Variants in AGK observed in about 807,000 individuals in gnomAD.
AGK encodes the protein acylglycerol kinase.
A neutral mutation model predicts 66.4 loss-of-function variants in AGK; 52 were observed. The ratio of observed to expected loss-of-function variants is 0.78; its 90% CI spans 0.63 to 0.99. AGK has a LOEUF of 0.99. Among genes scored for constraint, AGK ranks in the 50% least tolerant of loss-of-function variants. The pLI, the probability that AGK is intolerant of heterozygous loss-of-function variation, is 0.00. For missense variants in AGK, 451 were observed against 506.6 expected, an observed-to-expected ratio of 0.89 and a Z score of 1.05; for synonymous variants, 182 against 181.1, an observed-to-expected ratio of 1.00 and a Z score of -0.04.
At chr7:141,571,979 C>G (rs1795617625) in intron 2 of AGK, among the ~76,000 whole-genome samples, 1 of 152,116 alleles carries the variant, frequency 6.6e-6, no homozygotes, top group Non-Finnish European at 1.5e-5. Context: ...ATGAGTTGGA[C>G]AGTGTTCTAG....
intron 9 of AGK, among the ~76,000 whole-genome samples, chr7:141,631,982 A>C (rs1797066365): frequency 6.6e-6 from 1 of 151,948 alleles, no homozygotes; most frequent in Non-Finnish European, 1.5e-5. Context: ...TAAGCCCAGC[A>C]CTTTGGGAGG....
chr7:141,596,663 T>C, intron 4 of AGK, 22 bp downstream of exon 4: 1 of 1,605,536 alleles, frequency 6.2e-7, no homozygotes, highest in Non-Finnish European at 8.5e-7. Flanking sequence ...TGTGACTTGT[T>C]ATATACTTGC....
intron 13 of AGK, among the ~76,000 whole-genome samples, chr7:141,647,530 G>A (rs1271831059): frequency 6.6e-6 from 1 of 152,128 alleles, no homozygotes; most frequent in East Asian, 1.9e-4. Flanking sequence ...CGGATTAGGG[G>A]TTCTCAAAGT....
chr7:141,565,906 C>T (rs1213790127), intron 2 of AGK, among the ~76,000 whole-genome samples: 3 of 152,160 alleles, frequency 2.0e-5, no homozygotes, highest in South Asian at 4.1e-4. Context: ...TAGAGTAATC[C>T]TTTGTAAGTA....
At chr7:141,577,818 CTTTTTTTTTTT>C (rs71172606) in intron 2 of AGK, among the ~76,000 whole-genome samples, 3 of 136,444 alleles carry the variant, frequency 2.2e-5, no homozygotes, top group Non-Finnish European at 4.8e-5. Context: ...CATAAATCTT[CTTTTTTTTTTT>C]TTTTTTTGAA....
chr7:141,642,002 T>A, intron 13 of AGK, 94 bp downstream of exon 13: 1 of 1,133,294 alleles, frequency 8.8e-7, no homozygotes, highest in South Asian at 1.4e-5. Flanking sequence ...TTTTTATTTT[T>A]ACCCTGTGGA....
intron 2 of AGK, among the ~76,000 whole-genome samples, chr7:141,581,967 G>C (rs1370530154): frequency 6.6e-6 from 1 of 151,974 alleles, no homozygotes; most frequent in Non-Finnish European, 1.5e-5. Context: ...AAGGTAATGT[G>C]GAGTGGGTAG....
chr7:141,651,446 G>A, intron 14 of AGK, 79 bp from the exon 15 acceptor site: 1 of 1,152,438 alleles, frequency 8.7e-7, no homozygotes, highest in Non-Finnish European at 1.3e-6. Flanking sequence ...ATAAAAAGGG[G>A]GAAAGAAGTT....
chr7:141,559,149 T>C (rs1309320935), intron 2 of AGK, among the ~76,000 whole-genome samples: 1 of 152,248 alleles, frequency 6.6e-6, no homozygotes, highest in Non-Finnish European at 1.5e-5. Context: ...CTTTTGCTTT[T>C]GTTTGCCTCT....
At chr7:141,605,977 C>G (rs1430735544) in intron 5 of AGK, among the ~76,000 whole-genome samples, 2 of 152,136 alleles carry the variant, frequency 1.3e-5, no homozygotes, top group Non-Finnish European at 2.9e-5. Flanking sequence ...TCAACTCTGG[C>G]TGAATATCAA....
chr7:141,557,114 A>T (rs1795225244), intron 2 of AGK, among the ~76,000 whole-genome samples: 1 of 152,248 alleles, frequency 6.6e-6, no homozygotes, highest in South Asian at 2.1e-4. Context: ...TACTCTTTGA[A>T]TTAGAAGTCT....
Position 141,615,577 on chromosome 7 carries a change from A to G in AGK, c.518+12A>G, listed in dbSNP as rs774091876. ...GGAAACAAAGTCCAGTAGGTTGTCA[A>G]TGTGGGGAATTAGCATTTGTGGGTG... On this transcript the variant is annotated intron_variant, in intron 8 of 15. Transcript: ENST00000649286. 1.4e-5 allele frequency: 23 copies of G among 1,601,486 alleles called. No homozygotes were observed. The South Asian group carries it at 2.2e-4, about 15-fold the overall frequency.
intron 2 of AGK, among the ~76,000 whole-genome samples, chr7:141,559,475 CTG>C (rs1238765319): frequency 1.3e-5 from 2 of 152,138 alleles, no homozygotes; most frequent in African/African-American, 4.8e-5. Flanking sequence ...GTCTATATAT[CTG>C]TATTTATGCC....
chr7:141,628,888 TTAAAG>T (rs1796997809), intron 9 of AGK, among the ~76,000 whole-genome samples: 1 of 152,228 alleles, frequency 6.6e-6, no homozygotes. Flanking sequence ...TAACTTGACT[TTAAAG>T]TAATTACTGG....
intron 2 of AGK, among the ~76,000 whole-genome samples, chr7:141,587,208 A>G (rs1796012047): frequency 6.6e-6 from 1 of 151,820 alleles, no homozygotes. Context: ...CCATCCCTCA[A>G]ATTTACCTCC....
chr7:141,635,809 C>T (rs1414969003), intron 10 of AGK, among the ~76,000 whole-genome samples: 1 of 152,164 alleles, frequency 6.6e-6, no homozygotes, highest in Non-Finnish European at 1.5e-5. Context: ...TACCAATAAG[C>T]AGTGATCAGT....
chr7:141,552,851 C>T (rs1403238858), intron 1 of AGK, among the ~76,000 whole-genome samples: 3 of 152,142 alleles, frequency 2.0e-5, no homozygotes, highest in Non-Finnish European at 4.4e-5. Flanking sequence ...AACAAATAGG[C>T]CTTGCTAAAT....
At chr7:141,569,124 C>T (rs1033461198) in intron 2 of AGK, among the ~76,000 whole-genome samples, 1 of 152,156 alleles carries the variant, frequency 6.6e-6, no homozygotes, top group African/African-American at 2.4e-5. Context: ...TTGGTGCAAG[C>T]CACCTTTCAA....
At position 141,596,551 on chromosome 7, in the gene AGK, T is replaced by C. The variant is rs899737243; in HGVS notation, c.142-11T>C. On this transcript the variant is annotated splice_polypyrimidine_tract_variant and intron_variant, in intron 3 of 15. Transcript: ENST00000649286. ...GACTTTTACTGAAAACTTTGCTCTT[T>C]TCTTTTTTAGGTGTTTGGCAATCAA... 12 of 1,613,270 alleles carry C rather than the reference T, an allele frequency of 7.4e-6. No individual in the cohort carries two copies. In the African/African-American group the frequency reaches 9.3e-5, roughly 13 times the overall value.
Sources: gnomAD v4.1 joint callset for allele counts (sites outside exome capture counted in the v4.1 genomes callset) on GRCh38, gnomAD v4.1.1 for gene constraint, MANE v1.5 for transcripts, NCBI Gene and HGNC (gene_info 2026-07-23, HGNC 2026-07-21) for gene names.